Variants in ADGRB3 observed in about 807,000 individuals in gnomAD.
ADGRB3 encodes adhesion G protein-coupled receptor B3.
Under a neutral mutation model 193.4 loss-of-function variants are expected in ADGRB3, and 37 were observed. That is an observed-to-expected ratio of 0.19 (90% CI 0.15 to 0.25). The LOEUF (loss-of-function observed/expected upper bound fraction) is 0.25, where lower values mean the gene tolerates loss of function less well. ADGRB3 is among the 10% of genes least tolerant of loss of function. ADGRB3 has a pLI of 1.00. For synonymous variants in ADGRB3, 690 were observed against 644.2 expected (o/e 1.07, Z -1.08); for missense variants, 1,637 against 1,852.9 (o/e 0.88, Z 2.14).
rs920384075 is a variant in ADGRB3, at chr6:69,047,846, T to TA, written c.2108-333dup. Reference sequence around the variant, plus strand: ...TCAAGTCTGTTAATCAGAATGTTTTTAAAAAATACAGTATGAGTTTCTAAC... The same window carrying TA: ...TCAAGTCTGTTAATCAGAATGTTTTTAAAAAAATACAGTATGAGTTTCTAAC... On this transcript the variant is annotated intron_variant, in intron 13 of 31. Coordinates refer to ENST00000370598, the MANE Select transcript of ADGRB3 (RefSeq NM_001704.3). Among the ~76,000 whole-genome samples the TA allele has an allele frequency of 5.9e-5, 9 of 152,252 alleles. No individual in the cohort carries two copies. In the East Asian group the frequency reaches 1.7e-3, roughly 29 times the overall value.
chr6:69,368,570 A>G (rs910752790), intron 29 of ADGRB3, among the ~76,000 whole-genome samples: 4 of 152,130 alleles, frequency 2.6e-5, no homozygotes, highest in Non-Finnish European at 5.9e-5. Flanking sequence ...ATTCAAAATC[A>G]TGGGAATGAA....
chr6:68,789,482 C>T (rs1434798136), intron 3 of ADGRB3, among the ~76,000 whole-genome samples: 1 of 152,166 alleles, frequency 6.6e-6, no homozygotes, highest in Non-Finnish European at 1.5e-5. Flanking sequence ...GAATATTGGT[C>T]CCCACACTCT....
Position 69,233,400 on chromosome 6 carries a change from A to T in ADGRB3, c.2591A>T (p.Gln864Leu), listed in dbSNP as rs199814832. The T allele has an allele frequency of 5.0e-6, 8 of 1,613,980 alleles. No homozygotes were observed. Among genetic ancestry groups the T allele is most frequent in the Middle Eastern group, 1.6e-4 (1 of 6,084 alleles). The part of the protein sequence containing the change: ...DRLSTFAILA[Q>L]QPREIIMESS... The stretch of plus-strand genomic sequence containing the variant: ...CTCTCTACCTTCGCCATTTTGGCTC[A>T]GCAACCTAGAGAAATAGTAAGTAAC... Residue 864 changes from glutamine (Q) to leucine (L), a missense_variant, in exon 18 of 32, where the codon CAG becomes CTG. Physicochemically the swap from Gln to Leu is moderately radical, Grantham distance 113. Transcript: ENST00000370598.
At chr6:69,250,365 G>T (rs1411248286) in intron 20 of ADGRB3, among the ~76,000 whole-genome samples, 1 of 151,446 alleles carries the variant, frequency 6.6e-6, no homozygotes, top group Non-Finnish European at 1.5e-5. Flanking sequence ...CTATTTCTTT[G>T]TTTAGAAATT....
At chr6:69,089,954 A>T (rs1461879385) in intron 17 of ADGRB3, among the ~76,000 whole-genome samples, 1 of 152,198 alleles carries the variant, frequency 6.6e-6, no homozygotes, top group Non-Finnish European at 1.5e-5. Flanking sequence ...ACTTGTTGAA[A>T]ATTCAAATTT....
chr6:69,209,772 G>T (rs1295444561), intron 17 of ADGRB3, among the ~76,000 whole-genome samples: 1 of 152,112 alleles, frequency 6.6e-6, no homozygotes, highest in Admixed American at 6.5e-5. Flanking sequence ...GATGTTCTTT[G>T]GTTCTCCACA....
intron 3 of ADGRB3, among the ~76,000 whole-genome samples, chr6:68,787,160 G>A (rs1441409031): frequency 6.6e-6 from 1 of 152,086 alleles, no homozygotes; most frequent in Non-Finnish European, 1.5e-5. Flanking sequence ...TCTCCTGCAT[G>A]ATTGCCCTGG....
intron 3 of ADGRB3, among the ~76,000 whole-genome samples, chr6:68,650,118 A>C (rs568321625): frequency 6.6e-6 from 1 of 152,334 alleles, no homozygotes; most frequent in Admixed American, 6.5e-5. Context: ...ATATAAAATA[A>C]ATCGGAAATC....
At chr6:68,905,108 AC>A (rs896759402) in intron 3 of ADGRB3, among the ~76,000 whole-genome samples, 63 of 152,282 alleles carry the variant, frequency 4.1e-4, no homozygotes, top group African/African-American at 1.4e-3. Context: ...TGGGACTGTT[AC>A]CTATATCTCA....
At chr6:68,765,614 G>C (rs1274958607) in intron 3 of ADGRB3, among the ~76,000 whole-genome samples, 1 of 150,596 alleles carries the variant, frequency 6.6e-6, no homozygotes, top group Non-Finnish European at 1.5e-5. Flanking sequence ...TTAGTTCATA[G>C]TGTGCTATAA....
intron 20 of ADGRB3, among the ~76,000 whole-genome samples, chr6:69,312,919 T>G (rs946567482): frequency 6.6e-6 from 1 of 151,826 alleles, no homozygotes; most frequent in Non-Finnish European, 1.5e-5. Flanking sequence ...GAATTGTTAT[T>G]GTTGTTAATA....
At chr6:68,977,031 A>G (rs1311430303) in intron 10 of ADGRB3, among the ~76,000 whole-genome samples, 1 of 148,916 alleles carries the variant, frequency 6.7e-6, no homozygotes, top group East Asian at 1.9e-4. Flanking sequence ...TATAAATTCA[A>G]AAATAGAAAT....
intron 3 of ADGRB3, among the ~76,000 whole-genome samples, chr6:68,907,176 TA>T (rs1369407665): frequency 6.6e-6 from 1 of 151,988 alleles, no homozygotes; most frequent in African/African-American, 2.4e-5. Context: ...CTGCTGGTCT[TA>T]TACTTTGTTT....
At chr6:69,189,400 T>G (rs1455089615) in intron 17 of ADGRB3, among the ~76,000 whole-genome samples, 1 of 152,226 alleles carries the variant, frequency 6.6e-6, no homozygotes, top group East Asian at 1.9e-4. Flanking sequence ...TTGATGCTGT[T>G]TCATATTAAA....
intron 3 of ADGRB3, among the ~76,000 whole-genome samples, chr6:68,825,964 C>G (rs1767835864): frequency 6.6e-6 from 1 of 151,874 alleles, no homozygotes; most frequent in Non-Finnish European, 1.5e-5. Context: ...ACCTAACTAT[C>G]CACTCTGGTG....
intron 26 of ADGRB3, among the ~76,000 whole-genome samples, chr6:69,344,988 C>G (rs541476632): frequency 6.6e-6 from 1 of 151,676 alleles, no homozygotes. Flanking sequence ...GATCCTGGAC[C>G]CTAGTGATTT....
At chr6:69,363,181 T>A (rs918978432) in intron 29 of ADGRB3, among the ~76,000 whole-genome samples, 1 of 152,012 alleles carries the variant, frequency 6.6e-6, no homozygotes, top group African/African-American at 2.4e-5. Context: ...ATCCTTATTA[T>A]TAAGTGTATT....
Position 68,956,538 on chromosome 6 carries a change from G to A in ADGRB3, c.1361-107G>A, listed in dbSNP as rs574953948. On this transcript the variant is annotated intron_variant, in intron 7 of 31. Transcript: ENST00000370598. ...AATATTTGAATAAGGTTTATTCACA[G>A]TAGTAGATTAACAAAAATGGAAGGG... 9 of 1,342,052 alleles carry A rather than the reference G, an allele frequency of 6.7e-6. No homozygotes were observed. In the East Asian group the frequency reaches 6.9e-5, roughly 10 times the overall value. 83.1% of individuals were successfully genotyped at this position (1,342,052 alleles called of 1,614,324 possible).
intron 17 of ADGRB3, among the ~76,000 whole-genome samples, chr6:69,181,360 A>AT (rs1311986860): frequency 6.6e-6 from 1 of 151,760 alleles, no homozygotes; most frequent in Admixed American, 6.6e-5. Flanking sequence ...TAATATTCTT[A>AT]TTTTTTTAAA....
Sources: gnomAD v4.1 joint callset for allele counts (sites outside exome capture counted in the v4.1 genomes callset) on GRCh38, gnomAD v4.1.1 for gene constraint, MANE v1.5 for transcripts, NCBI Gene and HGNC (gene_info 2026-07-23, HGNC 2026-07-21) for gene names.